The following SEMA5A variants were observed in gnomAD, a reference collection of about 807,000 sequenced individuals.
SEMA5A encodes the protein semaphorin 5A.
In SEMA5A, 55 loss-of-function variants were observed where a neutral mutation model predicts 135.5. The ratio of observed to expected loss-of-function variants is 0.41; its 90% confidence interval spans 0.33 to 0.51. The LOEUF (loss-of-function observed/expected upper bound fraction) is 0.51, where lower values mean the gene tolerates loss of function less well. Among genes scored for constraint, SEMA5A ranks in the 20% least tolerant of loss-of-function variants. The pLI, the probability that SEMA5A is intolerant of heterozygous loss-of-function variation, is 0.37. For missense variants in SEMA5A, 1,290 were observed against 1,419.9 expected (o/e 0.91, Z 1.47); for synonymous variants, 580 against 546.5 (o/e 1.06, Z -0.85).
In SEMA5A at chr5:9,154,542, C is replaced by T. The variant is rs746586459; in HGVS notation, c.1427G>A (p.Arg476Gln). ...HSQSVLFVGL[R>Q]EHVVKIPLKR... Reference sequence around the variant, plus strand: ...CAGGGGGATCTTGACCACGTGCTCCCGCAGGCCCACGAACAGGACACTCTG... The same window carrying T: ...CAGGGGGATCTTGACCACGTGCTCCTGCAGGCCCACGAACAGGACACTCTG... The change falls in exon 12 of 23, where the codon CGG becomes CAG. Residue 476 changes from arginine (R) to glutamine (Q), a missense_variant. Coordinates refer to ENST00000382496, the MANE Select transcript of SEMA5A (RefSeq NM_003966.3). 5.6e-6 allele frequency: 9 copies of T among 1,612,722 alleles called. No individual in the cohort carries two copies. Among genetic ancestry groups the T allele is most frequent in the East Asian group, 4.5e-5 (2 of 44,838 alleles).
chr5:9,421,493 A>G (rs987993652), intron 2 of SEMA5A, among the ~76,000 whole-genome samples: 2 of 152,202 alleles, frequency 1.3e-5, no homozygotes, highest in Non-Finnish European at 2.9e-5. Context: ...TACAATATAT[A>G]TGCCCTCATA....
chr5:9,197,150 T>G lies in SEMA5A; in HGVS notation c.1068+18A>C. 6.2e-7 allele frequency: 1 copy of G among 1,614,038 alleles called. No individual in the cohort carries two copies. Among genetic ancestry groups the G allele is most frequent in the African/African-American group, 1.3e-5 (1 of 75,056 alleles). Reference sequence around the variant, plus strand: ...CATGGGGGATGCCAACAGTGCCCCTTTGCCCCCCGAAAATTACCTGGAAGT... The same window carrying G: ...CATGGGGGATGCCAACAGTGCCCCTGTGCCCCCCGAAAATTACCTGGAAGT... On this transcript the variant is annotated intron_variant, in intron 10 of 22. Transcript: ENST00000382496.
rs78331366 is a variant in SEMA5A, at chr5:9,523,874, C to T, written c.-175+21710G>A. On this transcript the variant is annotated intron_variant, in intron 1 of 22. Transcript: ENST00000382496. ...TTAGTGTCTGTCCCCTAAAAGTTCA[C>T]GTCCACTTAGAACCTCAGTGTTATG... Among the ~76,000 whole-genome samples the T allele has an allele frequency of 6.3e-3, 963 of 152,324 alleles. 12 individuals are homozygous for T. Among genetic ancestry groups the T allele is most frequent in the African/African-American group, 0.021 (892 of 41,576 alleles).
chr5:9,339,489 C>G (rs1371224339), intron 3 of SEMA5A, among the ~76,000 whole-genome samples: 1 of 152,126 alleles, frequency 6.6e-6, no homozygotes, highest in Admixed American at 6.5e-5. Context: ...GCATTGCTCC[C>G]TGCAGTGCAT....
rs1561208219 is a variant in SEMA5A, at chr5:9,384,657, TAGATATAGATAGATAG to T, written c.-77-4650_-77-4635del. ...ATAGATAGATAGATAGATAGATAGA[TAGATATAGATAGATAG>T]ATATAGATAGATAGATAGATAGATA... is the stretch of plus-strand genomic sequence containing the variant. On this transcript the variant is annotated intron_variant, in intron 2 of 22. Transcript: ENST00000382496. Among the ~76,000 whole-genome samples the T allele has an allele frequency of 2.4e-4, 30 of 126,106 alleles. 1 individual carries two copies. The highest frequency in any genetic ancestry group is 3.1e-4 in the Non-Finnish European group (18 of 57,710). The allele number at this position is 126,106 out of a possible 152,430, so 82.7% of individuals were successfully genotyped here.
intron 21 of SEMA5A, chr5:9,045,845 T>A (rs1736220771): frequency 6.6e-6 from 1 of 152,254 alleles, no homozygotes; most frequent in African/African-American, 2.4e-5. Flanking sequence ...CAGCATGGAC[T>A]TATATCTCTA....
At chr5:9,107,323 A>T (rs1739973122) in intron 16 of SEMA5A, among the ~76,000 whole-genome samples, 1 of 152,134 alleles carries the variant, frequency 6.6e-6, no homozygotes, top group African/African-American at 2.4e-5. Flanking sequence ...ATTTTATTTG[A>T]CAGTTTAAAG....
In SEMA5A at chr5:9,311,723, C is replaced by T. The variant is rs183766872; in HGVS notation, c.270+6649G>A. On this transcript the variant is annotated intron_variant, in intron 5 of 22. Coordinates refer to ENST00000382496, the MANE Select transcript of SEMA5A (RefSeq NM_003966.3). ...CAAACCTGCACATTGTGCCCATGTA[C>T]CCTAAAACTTAAAGTATAATGATAA... Among the ~76,000 whole-genome samples, 93 of 151,678 alleles carry T rather than the reference C, an allele frequency of 6.1e-4. 1 individual carries two copies. Among genetic ancestry groups the T allele is most frequent in the African/African-American group, 2.1e-3 (87 of 41,362 alleles).
At chr5:9,381,580 G>A (rs1204117151) in intron 2 of SEMA5A, among the ~76,000 whole-genome samples, 1 of 152,194 alleles carries the variant, frequency 6.6e-6, no homozygotes, top group Admixed American at 6.5e-5. Context: ...CACTAGGTCA[G>A]AAGTCCAACT....
At chr5:9,098,277 A>T (rs1156428592) in intron 16 of SEMA5A, among the ~76,000 whole-genome samples, 1 of 151,546 alleles carries the variant, frequency 6.6e-6, no homozygotes, top group East Asian at 1.9e-4. Context: ...ATAAATAAAT[A>T]AAATGAACAA....
chr5:9,458,321 T>G (rs754127048), intron 1 of SEMA5A, among the ~76,000 whole-genome samples: 4 of 152,210 alleles, frequency 2.6e-5, no homozygotes, highest in Non-Finnish European at 5.9e-5. Context: ...ATAGCAGTTT[T>G]GTTCTAAATC....
At chr5:9,166,889 T>C (rs966733017) in intron 11 of SEMA5A, among the ~76,000 whole-genome samples, 1 of 152,202 alleles carries the variant, frequency 6.6e-6, no homozygotes, top group African/African-American at 2.4e-5. Flanking sequence ...CTTAGATTTA[T>C]TGTATCTAAA....
At chr5:9,097,257 C>A (rs2150134864) in intron 16 of SEMA5A, among the ~76,000 whole-genome samples, 1 of 152,186 alleles carries the variant, frequency 6.6e-6, no homozygotes, top group Non-Finnish European at 1.5e-5. Flanking sequence ...TCCCCAGAGT[C>A]CATCACAGGG....
At chr5:9,118,809 T>C (rs1046731143) in intron 15 of SEMA5A, among the ~76,000 whole-genome samples, 189 bp downstream of exon 15, 10 of 152,216 alleles carry the variant, frequency 6.6e-5, no homozygotes, top group Non-Finnish European at 1.3e-4. Flanking sequence ...AGCAGCCCAG[T>C]GATGCTGTCG....
At chr5:9,486,246 G>C (rs2126789728) in intron 1 of SEMA5A, among the ~76,000 whole-genome samples, 1 of 152,170 alleles carries the variant, frequency 6.6e-6, no homozygotes, top group South Asian at 2.1e-4. Context: ...CAGGGAGGGG[G>C]AACAACACAC....
At chr5:9,509,585 A>G (rs1036879349) in intron 1 of SEMA5A, among the ~76,000 whole-genome samples, 6 of 152,112 alleles carry the variant, frequency 3.9e-5, no homozygotes, top group Non-Finnish European at 8.8e-5. Context: ...CCAACATAAA[A>G]TTATTTAATG....
In SEMA5A at chr5:9,066,537, C is replaced by T. The variant is rs865983086; in HGVS notation, c.2183G>A (p.Arg728Gln). The change falls in exon 17 of 23, where the codon CGA becomes CAA. Residue 728 changes from arginine to glutamine, a missense_variant. By Grantham distance (43) the Arg-to-Gln change is conservative. Around this residue, in one of 3 missense-constraint regions of SEMA5A, gnomAD observed 1,029 missense variants for 1,086.6 expected, o/e 0.95. Coordinates refer to ENST00000382496, the MANE Select transcript of SEMA5A (RefSeq NM_003966.3). ...GCGGGCTTTGCATGTGTATCGGAAT[C>T]GTTGCTCATAGTGGCCGCCGTTGTC... ...ISDNGGHYEQ[R>Q]FRYTCKARLA... The T allele has an allele frequency of 1.2e-6, 2 of 1,614,160 alleles. No homozygotes were observed. The highest frequency in any genetic ancestry group is 8.5e-7 in the Non-Finnish European group (1 of 1,180,028).
intron 5 of SEMA5A, among the ~76,000 whole-genome samples, chr5:9,283,277 A>G (rs1212459764): frequency 6.6e-6 from 1 of 152,162 alleles, no homozygotes; most frequent in Non-Finnish European, 1.5e-5. Context: ...CATTGTCCTG[A>G]CACTGAGATG....
At position 9,400,535 on chromosome 5, in the gene SEMA5A, C is replaced by A. The variant is rs1193174114; in HGVS notation, c.-77-20512G>T. ...TTTTTTTTTTTTTTTGAGACGGAGT[C>A]TCGCTCTGTCGCCCAGGCTGGAGTG... On this transcript the variant is annotated intron_variant, in intron 2 of 22. Coordinates refer to ENST00000382496, the MANE Select transcript of SEMA5A (RefSeq NM_003966.3). 3.5e-5 allele frequency among the ~76,000 whole-genome samples: 3 copies of A among 84,964 alleles called. No homozygotes were observed. The East Asian group carries it at 1.2e-3, about 35-fold the overall frequency. The allele number at this position is 84,964 out of a possible 152,430, so 55.7% of individuals were successfully genotyped here. A position where few individuals can be genotyped will look rare whatever the true frequency, so the allele number is the denominator to read the frequency against.
Sources: allele counts gnomAD v4.1 joint callset (sites outside exome capture counted in the v4.1 genomes callset), GRCh38; gene constraint gnomAD v4.1.1; regional missense constraint gnomAD v4.1.1; transcripts MANE v1.5; gene names NCBI Gene and HGNC (gene_info 2026-07-23, HGNC 2026-07-21).